Variants in ABTB2 observed in about 807,000 individuals in gnomAD.
ABTB2 encodes ankyrin repeat and BTB/POZ domain-containing protein 2.
Under a neutral mutation model 104.1 loss-of-function variants are expected in ABTB2, and 56 were observed. That is an observed-to-expected ratio of 0.54 (90% CI 0.43 to 0.67). ABTB2 has a LOEUF of 0.67. Ranked by LOEUF, ABTB2 falls within the 30% of genes least tolerant of loss-of-function variation. The pLI, the probability that ABTB2 is intolerant of heterozygous loss-of-function variation, is 0.00. For missense variants in ABTB2, 1,279 were observed against 1,407.7 expected (o/e 0.91, Z 1.46); for synonymous variants, 606 against 608.2 (o/e 1.00, Z 0.05).
chr11:34,161,813 G>C (rs150615676), intron 10 of ABTB2, among the ~76,000 whole-genome samples: 3 of 152,192 alleles, frequency 2.0e-5, no homozygotes, highest in Admixed American at 1.3e-4. Flanking sequence ...ATTCCCCAGC[G>C]ACACATTGAC....
intron 14 of ABTB2, among the ~76,000 whole-genome samples, chr11:34,157,530 G>C (rs368953578): frequency 1.3e-5 from 2 of 152,286 alleles, no homozygotes; most frequent in Admixed American, 6.5e-5. Flanking sequence ...GATCCCTGTA[G>C]CCCCTCTAGG....
chr11:34,247,502 T>A (rs1459360970), intron 1 of ABTB2, among the ~76,000 whole-genome samples: 1 of 152,246 alleles, frequency 6.6e-6, no homozygotes, highest in Non-Finnish European at 1.5e-5. Flanking sequence ...AATGTAAGTG[T>A]TCTGAGCATG....
At chr11:34,331,119 G>A (rs1855124726) in intron 1 of ABTB2, among the ~76,000 whole-genome samples, 1 of 152,184 alleles carries the variant, frequency 6.6e-6, no homozygotes, top group African/African-American at 2.4e-5. Context: ...GCAGGAAAGA[G>A]ACAGCTGTGG....
At chr11:34,181,237 A>AAAAC (rs148951380) in intron 3 of ABTB2, among the ~76,000 whole-genome samples, 69 of 151,000 alleles carry the variant, frequency 4.6e-4, no homozygotes, top group African/African-American at 1.2e-3. Flanking sequence ...TGCAGCCTGG[A>AAAAC]AAACAAACAA....
chr11:34,276,337 T>C (rs954484983), intron 1 of ABTB2, among the ~76,000 whole-genome samples: 2 of 152,216 alleles, frequency 1.3e-5, no homozygotes, highest in Non-Finnish European at 2.9e-5. Context: ...GCCTTCCTTC[T>C]CCTCAAAACT....
intron 1 of ABTB2, 95 bp from the exon 2 acceptor site, chr11:34,204,785 T>C (rs1853388420): frequency 8.7e-6 from 12 of 1,373,682 alleles, no homozygotes; most frequent in Middle Eastern, 4.0e-4. Context: ...CCTGCTCCCC[T>C]GCTCTTGACA....
intron 1 of ABTB2, among the ~76,000 whole-genome samples, chr11:34,239,228 G>C (rs1853883381): frequency 6.6e-6 from 1 of 152,172 alleles, no homozygotes; most frequent in Non-Finnish European, 1.5e-5. Flanking sequence ...TCACTGTCTT[G>C]GCCTTTACGT....
At chr11:34,290,090 C>T (rs4756130) in intron 1 of ABTB2, among the ~76,000 whole-genome samples, 29,391 of 152,072 alleles carry the variant, frequency 0.19, 3,675 homozygotes, top group Admixed American at 0.28. Context: ...TCCTAAATTG[C>T]AGCAAATCAG....
intron 3 of ABTB2, among the ~76,000 whole-genome samples, chr11:34,195,126 C>T (rs549383872): frequency 7.5e-6 from 1 of 133,790 alleles, no homozygotes; most frequent in African/African-American, 2.6e-5. Flanking sequence ...AATGACTGCC[C>T]CTGGGCCTAT....
rs576195378 is a variant in ABTB2 at position 34,232,243 on chromosome 11, G to A, written c.884-27553C>T. On this transcript the variant is annotated intron_variant, in intron 1 of 16. Coordinates refer to ENST00000435224, the MANE Select transcript of ABTB2 (RefSeq NM_145804.3). ...GTGGGTGGATCATTTGAGGTCAGGA[G>A]TTCAAGACCAGCCTGGCCAACATGG... is the stretch of plus-strand genomic sequence containing the variant. Among the ~76,000 whole-genome samples, 3 of 152,172 alleles carry A rather than the reference G, an allele frequency of 2.0e-5. No individual in the cohort carries two copies. The South Asian group carries it at 6.2e-4, about 32-fold the overall frequency.
rs148922473 is a variant in ABTB2, at chr11:34,243,607, G to A, written c.884-38917C>T. 3.5e-4 allele frequency among the ~76,000 whole-genome samples: 53 copies of A among 152,288 alleles called. No individual in the cohort carries two copies. The Middle Eastern group carries it at 0.014, about 39-fold the overall frequency. On this transcript the variant is annotated intron_variant, in intron 1 of 16. Coordinates refer to ENST00000435224, the MANE Select transcript of ABTB2 (RefSeq NM_145804.3). ...TAGAAAATATGTCCTAGTCTTACGC[G>A]ATTTTACAGATTTATTATCTATCTG...
intron 1 of ABTB2, among the ~76,000 whole-genome samples, chr11:34,231,134 A>G (rs943438738): frequency 3.3e-5 from 5 of 152,232 alleles, no homozygotes; most frequent in African/African-American, 1.2e-4. Flanking sequence ...GGTACCAGAA[A>G]GTAAGAGTGC....
chr11:34,327,452 G>A (rs1473558462), intron 1 of ABTB2, among the ~76,000 whole-genome samples: 1 of 152,162 alleles, frequency 6.6e-6, no homozygotes, highest in Non-Finnish European at 1.5e-5. Context: ...CAGTAGCAGG[G>A]GAAACGTGGC....
intron 1 of ABTB2, among the ~76,000 whole-genome samples, chr11:34,258,605 CTTTTTTTTTTTTT>C (rs35853565): frequency 1.1e-5 from 1 of 95,172 alleles, no homozygotes; most frequent in Non-Finnish European, 2.0e-5. Flanking sequence ...AGTGCCTGCT[CTTTTTTTTTTTTT>C]TTTTTTTTTT....
chr11:34,354,482 G>A (rs1855439158), intron 1 of ABTB2, among the ~76,000 whole-genome samples: 1 of 150,212 alleles, frequency 6.7e-6, no homozygotes, highest in Non-Finnish European at 1.5e-5. Context: ...AAAGGTGGTG[G>A]TGGAGCTGGG....
chr11:34,243,307 C>G (rs1045842049), intron 1 of ABTB2, among the ~76,000 whole-genome samples: 1 of 152,186 alleles, frequency 6.6e-6, no homozygotes, highest in Non-Finnish European at 1.5e-5. Flanking sequence ...GAGTCTCGCT[C>G]TGTCGCCCAG....
At chr11:34,214,020 C>T (rs1027278292) in intron 1 of ABTB2, among the ~76,000 whole-genome samples, 6 of 151,970 alleles carry the variant, frequency 3.9e-5, no homozygotes, top group South Asian at 2.1e-4. Context: ...AAGAACAGTC[C>T]GCCACATGAC....
Position 34,317,880 on chromosome 11 carries a change from T to C in ABTB2, c.883+38821A>G, listed in dbSNP as rs1176717609. 5.3e-5 allele frequency among the ~76,000 whole-genome samples: 8 copies of C among 152,248 alleles called. No homozygotes were observed. The East Asian group carries it at 1.5e-3, about 29-fold the overall frequency. On this transcript the variant is annotated intron_variant, in intron 1 of 16. Transcript: ENST00000435224. The stretch of plus-strand genomic sequence containing the variant: ...AATGGTGGGGATTGGGCTTCTAGCA[T>C]ACCTATCATTCAAATATTGAACACT...
chr11:34,167,471 G>A, intron 6 of ABTB2, 111 bp from the exon 7 acceptor site: 2 of 894,366 alleles, frequency 2.2e-6, no homozygotes, highest in African/African-American at 1.7e-5. Flanking sequence ...GATTGATAAT[G>A]TTTGCCTGGA....
Sources: gnomAD v4.1 joint callset for allele counts (sites outside exome capture counted in the v4.1 genomes callset) on GRCh38, gnomAD v4.1.1 for gene constraint, MANE v1.5 for transcripts, NCBI Gene and HGNC (gene_info 2026-07-23, HGNC 2026-07-21) for gene names.